The following CRADD variants were observed in gnomAD, a reference collection of about 807,000 sequenced individuals.
The protein encoded by CRADD is death domain-containing protein CRADD.
Under a neutral mutation model 15.5 loss-of-function variants are expected in CRADD, and 9 were observed. The ratio of observed to expected loss-of-function variants is 0.58; its 90% CI spans 0.35 to 1.01. The LOEUF (loss-of-function observed/expected upper bound fraction) is 1.01, where lower values mean the gene tolerates loss of function less well. Ranked by LOEUF, CRADD falls within the 50% of genes least tolerant of loss-of-function variation. The pLI, the probability that CRADD is intolerant of heterozygous loss-of-function variation, is 0.02. For missense variants in CRADD, 227 were observed against 250.3 expected, an observed-to-expected ratio of 0.91 and a Z score of 0.63; for synonymous variants, 118 against 107.6, an observed-to-expected ratio of 1.10 and a Z score of -0.60.
intron 2 of CRADD, among the ~76,000 whole-genome samples, chr12:93,818,802 T>C (rs1957737487): frequency 6.6e-6 from 1 of 152,154 alleles, no homozygotes; most frequent in Admixed American, 6.5e-5. Context: ...ACTCTGTCCC[T>C]GAGAAATCCT....
At chr12:93,707,339 G>A (rs1955971833) in intron 2 of CRADD, among the ~76,000 whole-genome samples, 1 of 152,146 alleles carries the variant, frequency 6.6e-6, no homozygotes, top group African/African-American at 2.4e-5. Context: ...GATTTTGTGG[G>A]TTAGGAATTA....
At chr12:93,808,040 A>G (rs1957563946) in intron 2 of CRADD, among the ~76,000 whole-genome samples, 1 of 135,908 alleles carries the variant, frequency 7.4e-6, no homozygotes, top group Admixed American at 7.6e-5. Context: ...GCATGGGGGT[A>G]GTGTGTGATT....
At chr12:93,788,157 A>G (rs1957301020) in intron 2 of CRADD, among the ~76,000 whole-genome samples, 1 of 152,182 alleles carries the variant, frequency 6.6e-6, no homozygotes, top group Admixed American at 6.5e-5. Flanking sequence ...GGTAATTTCT[A>G]AAGGAAAGAG....
At chr12:93,790,043 C>T (rs1451998071) in intron 2 of CRADD, among the ~76,000 whole-genome samples, 1 of 152,154 alleles carries the variant, frequency 6.6e-6, no homozygotes, top group Admixed American at 6.5e-5. Context: ...ACACAAGCCT[C>T]TCCTACCCTC....
intron 2 of CRADD, among the ~76,000 whole-genome samples, chr12:93,805,255 G>A (rs906336181): frequency 5.3e-5 from 8 of 151,714 alleles, no homozygotes; most frequent in African/African-American, 1.5e-4. Flanking sequence ...GCCTTACACC[G>A]AGAAAATATA....
chr12:93,701,201 A>G (rs1313040058), intron 2 of CRADD, among the ~76,000 whole-genome samples: 1 of 152,096 alleles, frequency 6.6e-6, no homozygotes, highest in East Asian at 1.9e-4. Context: ...GAAAACCCAA[A>G]TGACAGTGAT....
intron 2 of CRADD, among the ~76,000 whole-genome samples, chr12:93,768,958 TG>T (rs1957054532): frequency 6.6e-6 from 1 of 152,260 alleles, no homozygotes; most frequent in Non-Finnish European, 1.5e-5. Context: ...AATATTTGTT[TG>T]TGAGATTCAT....
chr12:93,791,980 A>C (rs1406226533), intron 2 of CRADD, among the ~76,000 whole-genome samples: 1 of 151,050 alleles, frequency 6.6e-6, no homozygotes, highest in Non-Finnish European at 1.5e-5. Context: ...TTTTTCACTT[A>C]ACTTTTTGTT....
At chr12:93,853,134 AC>A (rs1206475869), downstream of CRADD, among the ~76,000 whole-genome samples, 1 of 152,106 alleles carries the variant, frequency 6.6e-6, no homozygotes, top group South Asian at 2.1e-4. Flanking sequence ...ATATTTTCCA[AC>A]TGATAATACA....
intron 2 of CRADD, among the ~76,000 whole-genome samples, chr12:93,736,407 C>G (rs1956570388): frequency 6.6e-6 from 1 of 152,130 alleles, no homozygotes; most frequent in South Asian, 2.1e-4. Flanking sequence ...CTGTGCTGAC[C>G]ACCATCATTT....
intron 2 of CRADD, among the ~76,000 whole-genome samples, chr12:93,754,794 ATCT>A (rs1339248237): frequency 6.6e-6 from 1 of 152,056 alleles, no homozygotes; most frequent in African/African-American, 2.4e-5. Context: ...ACATTTTCCT[ATCT>A]TCTTCTTAGC....
intron 2 of CRADD, among the ~76,000 whole-genome samples, chr12:93,891,041 G>A (rs113259345): frequency 0.2 from 30,276 of 151,238 alleles, 3,202 homozygotes; most frequent in Non-Finnish European, 0.24. Context: ...GAGCCACCAC[G>A]CCTAGCCCAA....
chr12:93,853,715 C>T (rs571431172), downstream of CRADD, among the ~76,000 whole-genome samples: 26 of 152,296 alleles, frequency 1.7e-4, no homozygotes, highest in South Asian at 3.5e-3. Context: ...CAATCAGCTT[C>T]GTGTTCCATT....
In CRADD at chr12:93,836,895, C is replaced by T. The variant is rs142306853; in HGVS notation, c.299-13075C>T. On this transcript the variant is annotated intron_variant, in intron 2 of 2. Transcript: ENST00000332896. Reference sequence around the variant, plus strand: ...AGTGTGTAGGGTTGGGGGCAGGCAGCGACAGTAAATACAGCACATCTATAA... The same window carrying T: ...AGTGTGTAGGGTTGGGGGCAGGCAGTGACAGTAAATACAGCACATCTATAA... Among the ~76,000 whole-genome samples, 544 of 152,230 alleles carry T rather than the reference C, an allele frequency of 3.6e-3. 1 individual carries two copies. The highest frequency in any genetic ancestry group is 0.011 in the African/African-American group (468 of 41,544).
At chr12:93,794,974 C>T (rs1170839890) in intron 2 of CRADD, among the ~76,000 whole-genome samples, 1 of 152,206 alleles carries the variant, frequency 6.6e-6, no homozygotes, top group African/African-American at 2.4e-5. Context: ...CTTAAGTCAC[C>T]TCCCTAGAGA....
intron 2 of CRADD, among the ~76,000 whole-genome samples, chr12:93,774,617 T>C (rs139003088): frequency 7.9e-5 from 12 of 152,308 alleles, no homozygotes; most frequent in African/African-American, 2.9e-4. Flanking sequence ...TCAGTTTTCT[T>C]TGGGGAAGAA....
intron 2 of CRADD, among the ~76,000 whole-genome samples, chr12:93,878,091 C>T (rs1328432047): frequency 1.3e-5 from 2 of 152,138 alleles, no homozygotes; most frequent in African/African-American, 4.8e-5. Context: ...GGACTGGGTC[C>T]TTTCCTTCAA....
chr12:93,798,389 CTGAT>C (rs1464201202), intron 2 of CRADD, among the ~76,000 whole-genome samples: 1 of 152,102 alleles, frequency 6.6e-6, no homozygotes, highest in Non-Finnish European at 1.5e-5. Flanking sequence ...AGAAATAAGA[CTGAT>C]TGAGTCATAA....
chr12:93,806,043 G>A (rs1325210726), intron 2 of CRADD, among the ~76,000 whole-genome samples: 1 of 152,138 alleles, frequency 6.6e-6, no homozygotes, highest in Non-Finnish European at 1.5e-5. Context: ...GTAATGAGCA[G>A]ATTAGGTATT....
Sources: allele counts gnomAD v4.1 joint callset (sites outside exome capture counted in the v4.1 genomes callset), GRCh38; gene constraint gnomAD v4.1.1; transcripts MANE v1.5; gene names NCBI Gene and HGNC (gene_info 2026-07-23, HGNC 2026-07-21).